The following TMEM51 variants were observed in gnomAD, a reference collection of about 807,000 sequenced individuals.
TMEM51 encodes transmembrane protein 51.
A neutral mutation model predicts 13.6 loss-of-function variants in TMEM51; 8 were observed. The ratio of observed to expected loss-of-function variants is 0.59; its 90% CI spans 0.35 to 1.07. The LOEUF is 1.07. Ranked by LOEUF, TMEM51 falls within the 50% of genes least tolerant of loss-of-function variation. The probability of loss-of-function intolerance (pLI) is 0.02; values close to 1 mark genes in which losing one functional copy is unlikely to be tolerated. For missense variants in TMEM51, 279 were observed against 330.7 expected (o/e 0.84, Z 1.21); for synonymous variants, 147 against 144.4 (o/e 1.02, Z -0.13).
At chr1:15,157,201 C>T (rs924579396) in intron 1 of TMEM51, among the ~76,000 whole-genome samples, 11 of 152,208 alleles carry the variant, frequency 7.2e-5, no homozygotes, top group African/African-American at 2.7e-4. Flanking sequence ...CTCCCCTGAC[C>T]CTCGACTCCT....
At chr1:15,199,874 T>C (rs1327449297) in intron 1 of TMEM51, among the ~76,000 whole-genome samples, 2 of 152,158 alleles carry the variant, frequency 1.3e-5, no homozygotes, top group African/African-American at 2.4e-5. Context: ...CTGACTTCTC[T>C]GCGAAGTGGG....
At chr1:15,193,509 G>A (rs11576165) in intron 1 of TMEM51, among the ~76,000 whole-genome samples, 2,156 of 151,990 alleles carry the variant, frequency 0.014, 55 homozygotes, top group African/African-American at 0.05. Context: ...CCTGTCCTGT[G>A]CCGGACCTGG....
Position 15,219,920 on chromosome 1 carries a change from C to G in TMEM51, c.*177C>G. 1 of 664,366 alleles carries G rather than the reference C, an allele frequency of 1.5e-6. No homozygotes were observed. The highest frequency in any genetic ancestry group is 2.0e-5 in the South Asian group (1 of 48,862). 41.2% of individuals were successfully genotyped at this position (664,366 alleles called of 1,614,324 possible). On this transcript the variant is annotated 3_prime_UTR_variant, in exon 4 of 4. Coordinates refer to ENST00000376008, the MANE Select transcript of TMEM51 (RefSeq NM_001136218.2). Reference sequence around the variant, plus strand: ...TCAGGAGTGACTTTGTTGCCCCACACAGCCTCCTGCTGCAGGTGCTTTGGA... The same window carrying G: ...TCAGGAGTGACTTTGTTGCCCCACAGAGCCTCCTGCTGCAGGTGCTTTGGA...
intron 1 of TMEM51, among the ~76,000 whole-genome samples, chr1:15,200,289 C>A (rs1348494157): frequency 6.6e-6 from 1 of 151,684 alleles, no homozygotes; most frequent in African/African-American, 2.4e-5. Flanking sequence ...CACCTATAGT[C>A]CCCAGCTACT....
intron 1 of TMEM51, among the ~76,000 whole-genome samples, chr1:15,184,575 T>G (rs747086194): frequency 6.6e-6 from 1 of 152,154 alleles, no homozygotes; most frequent in African/African-American, 2.4e-5. Context: ...CCAGGGCAGC[T>G]GCAGAGAGAC....
chr1:15,208,825 C>CTGG (rs1408446069), intron 1 of TMEM51, among the ~76,000 whole-genome samples: 1 of 151,912 alleles, frequency 6.6e-6, no homozygotes, highest in Non-Finnish European at 1.5e-5. Context: ...CTCGTCCAGG[C>CTGG]TGGTGGGGCT....
At chr1:15,180,695 G>A (rs1311770305) in intron 1 of TMEM51, among the ~76,000 whole-genome samples, 4 of 152,180 alleles carry the variant, frequency 2.6e-5, no homozygotes, top group Admixed American at 1.3e-4. Flanking sequence ...CTCCTCTTCT[G>A]TAAAACGAAG....
At chr1:15,196,963 GC>G (rs1429721726) in intron 1 of TMEM51, among the ~76,000 whole-genome samples, 1 of 152,146 alleles carries the variant, frequency 6.6e-6, no homozygotes, top group African/African-American at 2.4e-5. Flanking sequence ...TTATCACTCA[GC>G]CCTCCAGGGT....
At chr1:15,163,827 TGGGGGGG>T (rs201334078) in intron 1 of TMEM51, among the ~76,000 whole-genome samples, 1 of 52,164 alleles carries the variant, frequency 1.9e-5, no homozygotes, top group Admixed American at 2.1e-4. Flanking sequence ...TGGCTTTTTT[TGGGGGGG>T]GGGAGGGGGG....
At chr1:15,181,660 C>T (rs903531651) in intron 1 of TMEM51, among the ~76,000 whole-genome samples, 5 of 152,310 alleles carry the variant, frequency 3.3e-5, no homozygotes, top group Admixed American at 2.0e-4. Context: ...CTCGACCAGA[C>T]GGGGCTCAAG....
intron 1 of TMEM51, chr1:15,171,111 C>T: frequency 9.0e-7 from 1 of 1,110,842 alleles, no homozygotes; most frequent in Non-Finnish European, 1.2e-6. Flanking sequence ...CTCCACCCCC[C>T]GCCACATCCC....
At position 15,215,001 on chromosome 1, in the gene TMEM51, C is replaced by T. The variant is rs1388800546; in HGVS notation, c.-87C>T. 4.9e-6 allele frequency: 6 copies of T among 1,229,136 alleles called. No homozygotes were observed. Among genetic ancestry groups the T allele is most frequent in the African/African-American group, 1.5e-5 (1 of 66,712 alleles). 76.1% of individuals were successfully genotyped at this position (1,229,136 alleles called of 1,614,324 possible). ...GTGTGGGGCGAGAGATTTTGTGGAG[C>T]GCATTTAAGGGGTTTTTGTTGTGAC... On this transcript the variant is annotated 5_prime_UTR_variant, in exon 3 of 4. Coordinates refer to ENST00000376008, the MANE Select transcript of TMEM51 (RefSeq NM_001136218.2).
chr1:15,170,358 C>CT (rs34604282), intron 1 of TMEM51, among the ~76,000 whole-genome samples: 102,540 of 145,058 alleles, frequency 0.71, 37,831 homozygotes, highest in East Asian at 0.96. Flanking sequence ...TTTTTTTTAT[C>CT]TTTTTTTTTT....
At chr1:15,213,051 C>T (rs537584613) in intron 2 of TMEM51, among the ~76,000 whole-genome samples, 4 of 152,336 alleles carry the variant, frequency 2.6e-5, no homozygotes, top group South Asian at 4.1e-4. Context: ...GTCCCACAGC[C>T]CTGAGCTAGG....
At chr1:15,164,446 G>T (rs1432671477) in intron 1 of TMEM51, 1 of 456,080 alleles carries the variant, frequency 2.2e-6, no homozygotes, top group Non-Finnish European at 4.4e-6. Flanking sequence ...GGGCCTTTGG[G>T]TTTTGGGAAA....
chr1:15,203,252 G>A (rs986969782), intron 1 of TMEM51, among the ~76,000 whole-genome samples: 5 of 151,814 alleles, frequency 3.3e-5, no homozygotes, highest in South Asian at 2.1e-4. Context: ...CCTGGCCACC[G>A]TTTTTTGTTT....
At chr1:15,204,929 G>A (rs1427615077) in intron 1 of TMEM51, among the ~76,000 whole-genome samples, 2 of 152,106 alleles carry the variant, frequency 1.3e-5, no homozygotes, top group East Asian at 1.9e-4. Flanking sequence ...CAGAGACACC[G>A]ATGGCCAGAA....
chr1:15,213,092 T>C (rs1162466483), intron 2 of TMEM51, among the ~76,000 whole-genome samples: 3 of 152,270 alleles, frequency 2.0e-5, no homozygotes, highest in Admixed American at 1.3e-4. Context: ...ACAGTTCCTG[T>C]ACTTCCTTCT....
chr1:15,154,795 G>A (rs1409213696), intron 1 of TMEM51, among the ~76,000 whole-genome samples: 1 of 152,086 alleles, frequency 6.6e-6, no homozygotes, highest in Non-Finnish European at 1.5e-5. Context: ...CCTGCGCAGC[G>A]CTCCGAGGTG....
Sources: gnomAD v4.1 joint callset for allele counts (sites outside exome capture counted in the v4.1 genomes callset) on GRCh38, gnomAD v4.1.1 for gene constraint, MANE v1.5 for transcripts, NCBI Gene and HGNC (gene_info 2026-07-23, HGNC 2026-07-21) for gene names.